Variants in ATF7 observed in about 807,000 individuals in gnomAD.
ATF7 encodes the protein cyclic AMP-dependent transcription factor ATF-7.
ATF7 carries 10 observed loss-of-function variants against 50.4 expected under a neutral mutation model. The observed-to-expected ratio is 0.20, with a 90% CI of 0.12 to 0.34. The LOEUF is 0.34. Among genes scored for constraint, ATF7 ranks in the 10% least tolerant of loss-of-function variants. The pLI is 1.00. For missense variants in ATF7, 465 were observed against 613.9 expected (o/e 0.76, Z 2.56); for synonymous variants, 201 against 226.4 (o/e 0.89, Z 1.01).
rs189015721 is a variant in ATF7 at position 53,526,961 on chromosome 12, C to G, written c.928-2200G>C. ...ATCACCTGAGGTCAGAAGTTCAAGACCAGCCTGGCCAACATGGTGAAACCC... is the reference window on the plus strand; with the variant it reads ...ATCACCTGAGGTCAGAAGTTCAAGAGCAGCCTGGCCAACATGGTGAAACCC... On this transcript the variant is annotated intron_variant, in intron 9 of 11. Transcript: ENST00000420353. Among the ~76,000 whole-genome samples, 498 of 150,286 alleles carry G rather than the reference C, an allele frequency of 3.3e-3. 2 individuals carry two copies. The highest frequency in any genetic ancestry group is 0.012 in the African/African-American group (474 of 40,730).
At position 53,572,264 on chromosome 12, in the gene ATF7, A is replaced by C. The variant is rs142231970; in HGVS notation, c.49-19627T>G. ...ACAACTCTTCATAGATCTATCAGAG[A>C]AGTGAGTTCACAGGGCAAACTGCTG... is the stretch of plus-strand genomic sequence containing the variant. On this transcript the variant is annotated intron_variant, in intron 2 of 11. Transcript: ENST00000420353. Among the ~76,000 whole-genome samples the C allele has an allele frequency of 3.8e-3, 581 of 152,330 alleles. 1 individual carries two copies. Among genetic ancestry groups the C allele is most frequent in the African/African-American group, 0.013 (560 of 41,574 alleles).
chr12:53,556,649 A>G (rs970428563), intron 2 of ATF7, among the ~76,000 whole-genome samples: 19 of 152,232 alleles, frequency 1.2e-4, no homozygotes, highest in Admixed American at 1.0e-3. Flanking sequence ...TATGTTTTAC[A>G]TAGTCCTTAT....
At chr12:53,572,653 T>C (rs1205065794) in intron 2 of ATF7, among the ~76,000 whole-genome samples, 1 of 152,128 alleles carries the variant, frequency 6.6e-6, no homozygotes, top group Non-Finnish European at 1.5e-5. Flanking sequence ...AGTTCAAAAA[T>C]AGATGAGTAC....
At chr12:53,597,560 A>G (rs185577954) in intron 2 of ATF7, among the ~76,000 whole-genome samples, 191 of 152,302 alleles carry the variant, frequency 1.3e-3, no homozygotes, top group Non-Finnish European at 2.2e-3. Flanking sequence ...CTGTAATCCC[A>G]GCACTTTGGG....
At chr12:53,549,155 C>T (rs1041533691) in intron 3 of ATF7, among the ~76,000 whole-genome samples, 3 of 150,950 alleles carry the variant, frequency 2.0e-5, no homozygotes, top group East Asian at 3.9e-4. Context: ...GGTGTGGCGG[C>T]GGGCGCCTGT....
chr12:53,590,959 T>C lies in ATF7; in HGVS notation c.48+9994A>G, dbSNP rs76337072. Among the ~76,000 whole-genome samples, 203 of 152,296 alleles carry C rather than the reference T, an allele frequency of 1.3e-3. 2 individuals are homozygous for C. In the East Asian group the frequency reaches 0.028, roughly 21 times the overall value. ...GTATTGTTATAGTAGATACATATTA[T>C]TATACATTTGCGAAACCCCACAGAA... On this transcript the variant is annotated intron_variant, in intron 2 of 11. Transcript: ENST00000420353.
intron 3 of ATF7, among the ~76,000 whole-genome samples, chr12:53,545,174 A>G (rs1303064667): frequency 6.6e-6 from 1 of 152,164 alleles, no homozygotes; most frequent in African/African-American, 2.4e-5. Context: ...CTGGTTTTTT[A>G]AAGGCTCTCC....
intron 2 of ATF7, among the ~76,000 whole-genome samples, chr12:53,600,070 A>G (rs1269452507): frequency 1.3e-5 from 2 of 152,254 alleles, no homozygotes; most frequent in African/African-American, 4.8e-5. Context: ...CAATGCATTT[A>G]TGGCATTAGA....
chr12:53,520,539 A>G (rs1299519424), intron 11 of ATF7, among the ~76,000 whole-genome samples: 1 of 152,126 alleles, frequency 6.6e-6, no homozygotes, highest in Non-Finnish European at 1.5e-5. Context: ...AAAAATCCCA[A>G]ACCAAACAAA....
intron 2 of ATF7, among the ~76,000 whole-genome samples, chr12:53,592,832 T>C (rs1943002522): frequency 6.6e-6 from 1 of 151,904 alleles, no homozygotes; most frequent in Non-Finnish European, 1.5e-5. Flanking sequence ...AATAACATTT[T>C]CCCCCAAACT....
chr12:53,533,049 A>AT, intron 7 of ATF7, 111 bp downstream of exon 7: 1 of 962,414 alleles, frequency 1.0e-6, no homozygotes, highest in South Asian at 1.5e-5. Flanking sequence ...CTCAGCTAAT[A>AT]TAGATCAGAG....
At chr12:53,576,670 A>G (rs1942082902) in intron 2 of ATF7, among the ~76,000 whole-genome samples, 1 of 152,206 alleles carries the variant, frequency 6.6e-6, no homozygotes, top group African/African-American at 2.4e-5. Context: ...TAGCTTCCAC[A>G]ACTGTGAGAA....
intron 1 of ATF7, among the ~76,000 whole-genome samples, chr12:53,624,148 A>G (rs1297482306): frequency 6.6e-6 from 1 of 152,242 alleles, no homozygotes; most frequent in Non-Finnish European, 1.5e-5. Context: ...AATTTTCTGT[A>G]CTGCTGCCAG....
At chr12:53,539,672 G>A (rs1939419867) in intron 4 of ATF7, among the ~76,000 whole-genome samples, 1 of 151,526 alleles carries the variant, frequency 6.6e-6, no homozygotes, top group Admixed American at 6.6e-5. Context: ...CTGGGAGACA[G>A]AGCAAGATCC....
chr12:53,547,283 C>CTTT (rs34610513), intron 3 of ATF7, among the ~76,000 whole-genome samples: 1,626 of 62,544 alleles, frequency 0.026, 167 homozygotes, highest in African/African-American at 0.081. Context: ...CGTGCCCAGC[C>CTTT]TTTTTTTTTT....
intron 2 of ATF7, among the ~76,000 whole-genome samples, chr12:53,557,659 A>C (rs549053047): frequency 9.2e-5 from 14 of 152,332 alleles, no homozygotes; most frequent in Admixed American, 4.6e-4. Flanking sequence ...GCTTAATACA[A>C]AATCAGGACA....
intron 11 of ATF7, among the ~76,000 whole-genome samples, chr12:53,520,817 A>G (rs1938076377): frequency 1.3e-5 from 2 of 151,946 alleles, no homozygotes; most frequent in African/African-American, 4.8e-5. Context: ...TTTTTCTCAT[A>G]TATACCATCC....
At chr12:53,587,843 A>ATATATATATATATATATATATATAT in intron 2 of ATF7, among the ~76,000 whole-genome samples, 23 of 61,554 alleles carry the variant, frequency 3.7e-4, no homozygotes, top group South Asian at 7.4e-4. Context: ...ATATATATAT[A>ATATATATATATATATATATATATAT]TTTTTTTTTT....
At chr12:53,576,492 A>G (rs1430537402) in intron 2 of ATF7, among the ~76,000 whole-genome samples, 1 of 152,162 alleles carries the variant, frequency 6.6e-6, no homozygotes, top group Non-Finnish European at 1.5e-5. Flanking sequence ...ACCCTTATAA[A>G]AGGATTTGGC....
Sources: allele counts gnomAD v4.1 joint callset (sites outside exome capture counted in the v4.1 genomes callset), GRCh38; gene constraint gnomAD v4.1.1; transcripts MANE v1.5; gene names NCBI Gene and HGNC (gene_info 2026-07-23, HGNC 2026-07-21).